Variants in THSD7A observed in about 807,000 individuals in gnomAD.
The protein encoded by THSD7A is thrombospondin type 1 domain containing 7A, also known as thrombospondin type-1 domain-containing protein 7A.
In THSD7A, 96 loss-of-function variants were observed where a neutral mutation model predicts 231.3. That is an observed-to-expected ratio of 0.41 (90% confidence interval 0.35 to 0.49). The LOEUF is 0.49. THSD7A is among the 20% of genes least tolerant of loss of function. The probability of loss-of-function intolerance (pLI) is 0.05; values close to 1 mark genes in which losing one functional copy is unlikely to be tolerated. For missense variants in THSD7A, 2,290 were observed against 2,070.2 expected, an observed-to-expected ratio of 1.11 and a Z score of -2.06; for synonymous variants, 940 against 743.3, an observed-to-expected ratio of 1.26 and a Z score of -4.30.
intron 2 of THSD7A, among the ~76,000 whole-genome samples, chr7:11,603,639 C>T (rs1424446747): frequency 6.6e-6 from 1 of 151,540 alleles, no homozygotes; most frequent in African/African-American, 2.4e-5. Flanking sequence ...AAATGTCCAA[C>T]AATGATAGAC....
chr7:11,731,010 TAAAA>T (rs1329479595), intron 1 of THSD7A, among the ~76,000 whole-genome samples: 1 of 151,664 alleles, frequency 6.6e-6, no homozygotes. Context: ...ATTTCATCCT[TAAAA>T]AATGTTTTTT....
chr7:11,812,762 T>C (rs185914988), intron 1 of THSD7A, among the ~76,000 whole-genome samples: 1 of 152,340 alleles, frequency 6.6e-6, no homozygotes, highest in East Asian at 1.9e-4. Context: ...TATTGAAGCA[T>C]ACTTTAAAGG....
chr7:11,593,814 C>T (rs1375717846), intron 2 of THSD7A, among the ~76,000 whole-genome samples: 1 of 152,164 alleles, frequency 6.6e-6, no homozygotes, highest in Non-Finnish European at 1.5e-5. Flanking sequence ...CTTGTTTTAA[C>T]TTAGAAAATG....
chr7:11,609,871 T>G (rs1780864553), intron 2 of THSD7A, among the ~76,000 whole-genome samples: 1 of 152,086 alleles, frequency 6.6e-6, no homozygotes, highest in African/African-American at 2.4e-5. Flanking sequence ...ACAATTGGCC[T>G]GGAGAGAGTA....
intron 23 of THSD7A, among the ~76,000 whole-genome samples, chr7:11,386,672 C>G (rs906221468): frequency 6.6e-6 from 1 of 152,222 alleles, no homozygotes; most frequent in African/African-American, 2.4e-5. Context: ...CCTGTTCACT[C>G]TGATGATAGT....
chr7:11,753,535 T>C (rs1043627271), intron 1 of THSD7A, among the ~76,000 whole-genome samples: 1 of 141,440 alleles, frequency 7.1e-6, no homozygotes, highest in African/African-American at 2.6e-5. Context: ...TGCTTATATA[T>C]GCAGCCCTTT....
At chr7:11,682,987 T>A (rs1783924935) in intron 1 of THSD7A, among the ~76,000 whole-genome samples, 1 of 151,780 alleles carries the variant, frequency 6.6e-6, no homozygotes, top group Non-Finnish European at 1.5e-5. Context: ...GTTGGCACGG[T>A]GGCAGGTGTC....
At position 11,474,223 on chromosome 7, in the gene THSD7A, G is replaced by A. The variant is rs951585113; in HGVS notation, c.2252+111C>T. On this transcript the variant is annotated intron_variant, in intron 8 of 27. Transcript: ENST00000423059. The surrounding 1 kb of genome is among the most constrained non-coding windows in gnomAD (Gnocchi z 4.1). ...AAAACAAACAAATCTTGCTCTTGAG[G>A]ACAGGTATGACAAGCATCAAAATGT... 3 of 874,006 alleles carry A rather than the reference G, an allele frequency of 3.4e-6. No individual in the cohort carries two copies. Among genetic ancestry groups the A allele is most frequent in the Non-Finnish European group, 5.2e-6 (3 of 580,448 alleles). The allele number at this position is 874,006 out of a possible 1,614,324, so 54.1% of individuals were successfully genotyped here.
chr7:11,648,760 C>A (rs1782383127), intron 1 of THSD7A, among the ~76,000 whole-genome samples: 1 of 151,748 alleles, frequency 6.6e-6, no homozygotes, highest in Admixed American at 6.6e-5. Context: ...TGTGCTGCCA[C>A]TTTTCTATTA....
rs1315395407 is a variant in THSD7A, at chr7:11,375,110, AAATACT to A, written c.*678_*683del. On this transcript the variant is annotated 3_prime_UTR_variant, in exon 28 of 28. Transcript: ENST00000423059. ...AGTTTTCCAGACAATTACCACTATA[AAATACT>A]GAACTTGAGGACTCGTTCTTCTAAG... The A allele has an allele frequency of 3.3e-5, 5 of 152,004 alleles. No individual in the cohort carries two copies. Among genetic ancestry groups the A allele is most frequent in the Non-Finnish European group, 5.9e-5 (4 of 67,948 alleles). 9.4% of individuals were successfully genotyped at this position (152,004 alleles called of 1,614,324 possible).
chr7:11,825,017 C>T (rs1784983818), intron 1 of THSD7A, among the ~76,000 whole-genome samples: 1 of 151,908 alleles, frequency 6.6e-6, no homozygotes, highest in African/African-American at 2.4e-5. Flanking sequence ...AAGTGCCAAA[C>T]TAATAAAAAA....
At chr7:11,546,302 C>T (rs1379399300) in intron 4 of THSD7A, among the ~76,000 whole-genome samples, 1 of 152,110 alleles carries the variant, frequency 6.6e-6, no homozygotes, top group Non-Finnish European at 1.5e-5. Flanking sequence ...ATTGTCACCA[C>T]CCCAATGTAG....
intron 4 of THSD7A, among the ~76,000 whole-genome samples, chr7:11,589,156 T>C (rs959657257): frequency 1.3e-5 from 2 of 152,168 alleles, no homozygotes; most frequent in African/African-American, 2.4e-5. Flanking sequence ...AATATTCTCC[T>C]TTTTTGGTAT....
chr7:11,438,401 T>A (rs1222592657), intron 13 of THSD7A, among the ~76,000 whole-genome samples: 1 of 152,018 alleles, frequency 6.6e-6, no homozygotes, highest in East Asian at 1.9e-4. Context: ...CAAACTGGTA[T>A]GAAAGCAAAT....
intron 1 of THSD7A, among the ~76,000 whole-genome samples, chr7:11,789,915 T>G (rs1183475544): frequency 6.6e-6 from 1 of 152,034 alleles, no homozygotes; most frequent in Non-Finnish European, 1.5e-5. Flanking sequence ...TGGACTTCCG[T>G]GTCTCCAATT....
At chr7:11,673,956 C>T (rs750711939) in intron 1 of THSD7A, among the ~76,000 whole-genome samples, 11 of 152,018 alleles carry the variant, frequency 7.2e-5, no homozygotes, top group East Asian at 1.9e-4. Flanking sequence ...GTTGCGTACA[C>T]GTGGCCACTG....
chr7:11,430,087 T>G (rs994146269), intron 13 of THSD7A, among the ~76,000 whole-genome samples: 2 of 152,202 alleles, frequency 1.3e-5, no homozygotes, highest in African/African-American at 4.8e-5. Flanking sequence ...AGAGAAGGTG[T>G]TCTTGGTACA....
intron 1 of THSD7A, among the ~76,000 whole-genome samples, chr7:11,715,449 CAACTT>C (rs1165837329): frequency 6.6e-6 from 1 of 151,402 alleles, no homozygotes; most frequent in Non-Finnish European, 1.5e-5. Flanking sequence ...TGGTTTTACT[CAACTT>C]AATTAACTGC....
intron 1 of THSD7A, among the ~76,000 whole-genome samples, chr7:11,809,162 A>C (rs975389248): frequency 6.6e-6 from 1 of 152,208 alleles, no homozygotes; most frequent in Non-Finnish European, 1.5e-5. Flanking sequence ...CAAGAAGTCC[A>C]CATTTAAATG....
Sources: allele counts gnomAD v4.1 joint callset (sites outside exome capture counted in the v4.1 genomes callset), GRCh38; gene constraint gnomAD v4.1.1; non-coding constraint Gnocchi (gnomAD v3.1); transcripts MANE v1.5; gene names NCBI Gene and HGNC (gene_info 2026-07-23, HGNC 2026-07-21).